The following RORA variants were observed in gnomAD, a reference collection of about 807,000 sequenced individuals.
RORA encodes the protein RAR related orphan receptor A, also known as nuclear receptor ROR-alpha.
A neutral mutation model predicts 69.5 loss-of-function variants in RORA; 7 were observed. The ratio of observed to expected loss-of-function variants is 0.10; its 90% CI spans 0.06 to 0.19. The LOEUF is 0.19. Ranked by LOEUF, RORA falls within the 10% of genes least tolerant of loss-of-function variation. The pLI is 1.00. For missense variants in RORA, 457 were observed against 663.0 expected (o/e 0.69, Z 3.41); for synonymous variants, 261 against 240.8 (o/e 1.08, Z -0.78).
At chr15:60,884,270 A>T (rs1327704287) in intron 1 of RORA, among the ~76,000 whole-genome samples, 1 of 152,180 alleles carries the variant, frequency 6.6e-6, no homozygotes, top group Non-Finnish European at 1.5e-5. Flanking sequence ...TAGCTTCTGG[A>T]ACAACCTAAA....
chr15:61,062,235 AG>A (rs1284041812), intron 1 of RORA, among the ~76,000 whole-genome samples: 1 of 152,328 alleles, frequency 6.6e-6, no homozygotes, highest in East Asian at 1.9e-4. Context: ...TGTTTGATCA[AG>A]CCACAGAACT....
At chr15:60,655,124 T>C (rs927597023) in intron 2 of RORA, among the ~76,000 whole-genome samples, 3 of 152,184 alleles carry the variant, frequency 2.0e-5, no homozygotes, top group African/African-American at 7.2e-5. Flanking sequence ...AAGGGAAAGA[T>C]GTCATGAGAA....
chr15:61,198,134 T>C (rs956626182), intron 1 of RORA, among the ~76,000 whole-genome samples: 2 of 152,212 alleles, frequency 1.3e-5, no homozygotes, highest in African/African-American at 4.8e-5. Context: ...CTCAGCCATC[T>C]AGATAAATAA....
intron 1 of RORA, chr15:61,195,972 T>G (rs772583769): frequency 6.6e-6 from 1 of 152,250 alleles, no homozygotes; most frequent in South Asian, 2.1e-4. Context: ...TTTTATAATC[T>G]TGATCAATAA....
intron 1 of RORA, among the ~76,000 whole-genome samples, chr15:60,791,103 A>G (rs1326821346): frequency 6.6e-6 from 1 of 152,136 alleles, no homozygotes; most frequent in Non-Finnish European, 1.5e-5. Context: ...TTTTAGAATC[A>G]AACGTACATA....
At chr15:60,946,008 G>A (rs1892858952) in intron 1 of RORA, among the ~76,000 whole-genome samples, 1 of 152,126 alleles carries the variant, frequency 6.6e-6, no homozygotes, top group Non-Finnish European at 1.5e-5. Flanking sequence ...GCTCACTCTA[G>A]CACTCAGGTG....
At chr15:60,817,947 C>A in intron 1 of RORA, among the ~76,000 whole-genome samples, 1 of 152,178 alleles carries the variant, frequency 6.6e-6, no homozygotes, top group East Asian at 1.9e-4. Context: ...ATACTATTTT[C>A]TTTTACTCAA....
At chr15:60,683,825 T>C (rs1451433766) in intron 1 of RORA, among the ~76,000 whole-genome samples, 4 of 152,208 alleles carry the variant, frequency 2.6e-5, no homozygotes, top group African/African-American at 9.6e-5. Flanking sequence ...GTTGAGCTTC[T>C]AATACAGCAA....
chr15:61,140,595 T>C (rs1379509076), intron 1 of RORA, among the ~76,000 whole-genome samples: 1 of 152,026 alleles, frequency 6.6e-6, no homozygotes, highest in Non-Finnish European at 1.5e-5. Flanking sequence ...ATCTGATCCC[T>C]ATGGGAGCCA....
intron 1 of RORA, among the ~76,000 whole-genome samples, chr15:61,040,113 G>GATATAT (rs60830259): frequency 0.013 from 578 of 46,176 alleles, 10 homozygotes; most frequent in Non-Finnish European, 0.016. Flanking sequence ...CACAAGCTTT[G>GATATAT]ATATATATAT....
chr15:61,158,925 A>T (rs140324348), intron 1 of RORA, among the ~76,000 whole-genome samples: 144 of 152,320 alleles, frequency 9.5e-4, no homozygotes, highest in African/African-American at 3.2e-3. Flanking sequence ...CCTTTAACCA[A>T]GGACAGAGGA....
At chr15:61,060,904 C>T (rs969183732) in intron 1 of RORA, among the ~76,000 whole-genome samples, 5 of 152,164 alleles carry the variant, frequency 3.3e-5, no homozygotes, top group African/African-American at 1.2e-4. Flanking sequence ...CACTGGGCCA[C>T]GTTCAAAGCC....
At position 60,937,316 on chromosome 15, in the gene RORA, A is replaced by G. The variant is rs915207760; in HGVS notation, c.167-258630T>C. 3.3e-5 allele frequency among the ~76,000 whole-genome samples: 5 copies of G among 152,210 alleles called. No homozygotes were observed. In the East Asian group the frequency reaches 7.7e-4, roughly 23 times the overall value. On this transcript the variant is annotated intron_variant, in intron 1 of 10. Coordinates refer to ENST00000335670, the MANE Select transcript of RORA (RefSeq NM_134261.3). ...TGAGCTTGAGTATGGTTGTTGTTTA[A>G]GAGTATTTACTGTCTGGGTGATTAT...
At chr15:61,030,164 G>A (rs1896078503) in intron 1 of RORA, among the ~76,000 whole-genome samples, 1 of 152,148 alleles carries the variant, frequency 6.6e-6, no homozygotes, top group African/African-American at 2.4e-5. Context: ...TCACATTAAA[G>A]GAAACTAAAG....
intron 1 of RORA, among the ~76,000 whole-genome samples, chr15:60,684,685 T>C (rs1033357473): frequency 5.9e-5 from 9 of 152,280 alleles, no homozygotes; most frequent in Admixed American, 2.0e-4. Context: ...TATGTCAATA[T>C]TTTTACTTTG....
chr15:61,020,092 A>G (rs1167403167), intron 1 of RORA, among the ~76,000 whole-genome samples: 2 of 152,234 alleles, frequency 1.3e-5, no homozygotes, highest in African/African-American at 4.8e-5. Context: ...TAGAGTATCA[A>G]TGAAACCAGC....
chr15:61,183,751 T>C (rs2079711950), intron 1 of RORA, among the ~76,000 whole-genome samples: 1 of 152,188 alleles, frequency 6.6e-6, no homozygotes, highest in Non-Finnish European at 1.5e-5. Flanking sequence ...CAGGGAATAA[T>C]CTTTATCACT....
At chr15:61,100,629 C>T (rs2078865754) in intron 1 of RORA, among the ~76,000 whole-genome samples, 1 of 152,092 alleles carries the variant, frequency 6.6e-6, no homozygotes, top group Admixed American at 6.5e-5. Flanking sequence ...AGAGCTGGGA[C>T]CATTCATTTG....
intron 1 of RORA, among the ~76,000 whole-genome samples, chr15:61,155,548 G>C (rs191534849): frequency 6.6e-6 from 1 of 152,274 alleles, no homozygotes; most frequent in East Asian, 1.9e-4. Context: ...ATACGCCCTA[G>C]CTGTTTGGGG....
Sources: gnomAD v4.1 joint callset for allele counts (sites outside exome capture counted in the v4.1 genomes callset) on GRCh38, gnomAD v4.1.1 for gene constraint, MANE v1.5 for transcripts, NCBI Gene and HGNC (gene_info 2026-07-23, HGNC 2026-07-21) for gene names.